CATSPERT: variants seen among roughly 807,000 people sequenced by gnomAD.
CATSPERT encodes catsper channel auxiliary subunit tau.
chr2:201,539,678 C>T, the CATSPERT span, among the ~76,000 whole-genome samples: 2 of 151,566 alleles, frequency 1.3e-5, no homozygotes, highest in Non-Finnish European at 2.9e-5. Flanking sequence ...TGTAACTATG[C>T]CACTGACCAG....
chr2:201,509,923 A>G, the CATSPERT span, among the ~76,000 whole-genome samples: 1 of 150,830 alleles, frequency 6.6e-6, no homozygotes. Context: ...ACCCTAATAT[A>G]TAATATATAC....
chr2:201,505,950 T>A, the CATSPERT span, among the ~76,000 whole-genome samples: 4 of 152,222 alleles, frequency 2.6e-5, no homozygotes, highest in South Asian at 8.3e-4. Context: ...AAGGTTATTT[T>A]AAAAAACTAA....
the CATSPERT span, among the ~76,000 whole-genome samples, chr2:201,617,104 A>G: frequency 2.0e-5 from 3 of 152,262 alleles, no homozygotes; most frequent in African/African-American, 7.2e-5. Context: ...GGATAGGAAG[A>G]CTCAATATTG....
chr2:201,614,255 T>G, the CATSPERT span, among the ~76,000 whole-genome samples: 4 of 152,072 alleles, frequency 2.6e-5, no homozygotes, highest in Admixed American at 1.3e-4. Flanking sequence ...GATACATAAT[T>G]GTCAGATTCA....
At chr2:201,586,663 G>A in the CATSPERT span, among the ~76,000 whole-genome samples, 1 of 151,524 alleles carries the variant, frequency 6.6e-6, no homozygotes, top group South Asian at 2.1e-4. Context: ...TTTTAGCATA[G>A]AGTTATATAT....
At chr2:201,518,331 A>C in the CATSPERT span, among the ~76,000 whole-genome samples, 18 of 152,304 alleles carry the variant, frequency 1.2e-4, no homozygotes, top group African/African-American at 3.4e-4. Context: ...CAGTCCACCT[A>C]ATTTTGTCAG....
chr2:201,487,557 A>T, the CATSPERT span: 5 of 1,476,316 alleles, frequency 3.4e-6, no homozygotes, highest in Non-Finnish European at 4.6e-6. Flanking sequence ...TGCTGGCCTC[A>T]CATATCATTC....
chr2:201,492,641 C>T, the CATSPERT span: 1 of 1,528,486 alleles, frequency 6.5e-7, no homozygotes, highest in Non-Finnish European at 8.8e-7. Context: ...TGGAGAATCT[C>T]TTTTAAAAAA....
the CATSPERT span, chr2:201,582,211 T>C: frequency 1.3e-6 from 2 of 1,587,486 alleles, no homozygotes; most frequent in Non-Finnish European, 1.7e-6. Context: ...TCATAACGTC[T>C]GGGAACCTCA....
chr2:201,541,534 TATATATATATA>T, the CATSPERT span, among the ~76,000 whole-genome samples: 171 of 15,944 alleles, frequency 0.011, 4 homozygotes, highest in African/African-American at 0.026. Context: ...GATGATTTTA[TATATATATATA>T]TATATATATA....
the CATSPERT span, among the ~76,000 whole-genome samples, chr2:201,499,087 G>A: frequency 6.6e-6 from 1 of 152,108 alleles, no homozygotes; most frequent in Non-Finnish European, 1.5e-5. Context: ...CCAGCACATA[G>A]ACAGAGTATA....
the CATSPERT span, among the ~76,000 whole-genome samples, chr2:201,584,402 T>C: frequency 6.6e-6 from 1 of 152,052 alleles, no homozygotes. Context: ...ACATGGAAGA[T>C]AGTGTAAGAA....
At chr2:201,606,615 G>A in the CATSPERT span, among the ~76,000 whole-genome samples, 1 of 152,228 alleles carries the variant, frequency 6.6e-6, no homozygotes. Flanking sequence ...GACTTATGGA[G>A]AGGACAGGCA....
the CATSPERT span, among the ~76,000 whole-genome samples, chr2:201,568,671 C>T: frequency 3.3e-5 from 5 of 152,282 alleles, no homozygotes; most frequent in South Asian, 2.1e-4. Context: ...TGGTAGGAAT[C>T]GCCATTCCTG....
the CATSPERT span, among the ~76,000 whole-genome samples, chr2:201,489,770 T>A: frequency 6.6e-6 from 1 of 152,188 alleles, no homozygotes; most frequent in South Asian, 2.1e-4. Context: ...GACCAGTGAT[T>A]CAGAAAATTA....
the CATSPERT span, among the ~76,000 whole-genome samples, chr2:201,539,914 C>T: frequency 6.6e-6 from 1 of 152,072 alleles, no homozygotes; most frequent in African/African-American, 2.4e-5. Context: ...CCAAACAGCC[C>T]AGATGAGAAT....
chr2:201,595,225 G>A, the CATSPERT span, among the ~76,000 whole-genome samples: 1 of 137,464 alleles, frequency 7.3e-6, no homozygotes, highest in Non-Finnish European at 1.5e-5. Context: ...GAGTCTCACT[G>A]TCGCCCAGGC....
At chr2:201,511,366 G>A in the CATSPERT span, among the ~76,000 whole-genome samples, 1 of 152,112 alleles carries the variant, frequency 6.6e-6, no homozygotes, top group Non-Finnish European at 1.5e-5. Flanking sequence ...TTCTTTGAAA[G>A]AGGTGATAGG....
At chr2:201,571,901 C>T in the CATSPERT span, 2 of 1,563,988 alleles carry the variant, frequency 1.3e-6, no homozygotes, top group East Asian at 2.2e-5. Flanking sequence ...TTTTAAGTGC[C>T]ACATGATCTG....
Sources: allele counts gnomAD v4.1 joint callset (sites outside exome capture counted in the v4.1 genomes callset), GRCh38; gene constraint gnomAD v4.1.1; transcripts MANE v1.5; gene names NCBI Gene and HGNC (gene_info 2026-07-23, HGNC 2026-07-21).